Variants in EDIL3 observed in about 807,000 individuals in gnomAD.
The protein encoded by EDIL3 is EGF-like repeat and discoidin I-like domain-containing protein 3.
Under a neutral mutation model 67.4 loss-of-function variants are expected in EDIL3, and 37 were observed. The observed-to-expected ratio is 0.55, with a 90% CI of 0.42 to 0.72. The LOEUF (loss-of-function observed/expected upper bound fraction) is 0.72. Among genes scored for constraint, EDIL3 ranks in the 30% least tolerant of loss-of-function variants. The pLI is 0.00. For missense variants in EDIL3, 527 were observed against 586.3 expected (o/e 0.90, Z 1.04); for synonymous variants, 195 against 196.3 (o/e 0.99, Z 0.05).
chr5:84,330,416 T>C (rs1002394551), intron 1 of EDIL3, among the ~76,000 whole-genome samples: 5 of 152,164 alleles, frequency 3.3e-5, no homozygotes, highest in African/African-American at 1.2e-4. Context: ...CTCAACATCT[T>C]TTTAAAAAAT....
intron 9 of EDIL3, among the ~76,000 whole-genome samples, chr5:83,982,124 C>A (rs1427629383): frequency 6.6e-6 from 1 of 151,996 alleles, no homozygotes; most frequent in African/African-American, 2.4e-5. Flanking sequence ...TTAAAGATTT[C>A]TTAAAACTAT....
chr5:84,264,609 C>T (rs1229165846), intron 1 of EDIL3, among the ~76,000 whole-genome samples: 1 of 152,110 alleles, frequency 6.6e-6, no homozygotes, highest in African/African-American at 2.4e-5. Context: ...GAAAAATACA[C>T]AATATAGCTT....
intron 3 of EDIL3, among the ~76,000 whole-genome samples, chr5:84,200,903 G>A (rs140821184): frequency 1.9e-4 from 29 of 152,102 alleles, no homozygotes; most frequent in South Asian, 8.3e-4. Context: ...ATCCTCACAG[G>A]AAAGCCTAAG....
At chr5:84,367,973 G>A (rs1300451071) in intron 1 of EDIL3, among the ~76,000 whole-genome samples, 1 of 152,148 alleles carries the variant, frequency 6.6e-6, no homozygotes, top group Non-Finnish European at 1.5e-5. Context: ...ACAACTATAA[G>A]GTGAATGGAT....
At chr5:84,058,363 AAC>A (rs3831891) in intron 9 of EDIL3, among the ~76,000 whole-genome samples, 56,571 of 151,254 alleles carry the variant, frequency 0.37, 11,920 homozygotes, top group African/African-American at 0.58. Flanking sequence ...CAGACACACA[AAC>A]ACACACACAC....
At chr5:83,947,204 T>A (rs1561382006) in intron 10 of EDIL3, among the ~76,000 whole-genome samples, 1 of 151,894 alleles carries the variant, frequency 6.6e-6, no homozygotes, top group Non-Finnish European at 1.5e-5. Flanking sequence ...TGAGTGAGAC[T>A]TTCTAAAGTT....
At chr5:84,015,726 T>G (rs1420912702) in intron 9 of EDIL3, among the ~76,000 whole-genome samples, 1 of 152,152 alleles carries the variant, frequency 6.6e-6, no homozygotes, top group East Asian at 1.9e-4. Flanking sequence ...AAATAATGGT[T>G]TTCATCAGCT....
chr5:84,196,859 A>G (rs1037645748), intron 3 of EDIL3: 3 of 152,034 alleles, frequency 2.0e-5, no homozygotes, highest in Non-Finnish European at 2.9e-5. Context: ...AAACAATACC[A>G]TGCTTTTTTT....
rs568900185 is a variant in EDIL3 at position 83,941,519 on chromosome 5, A to C, written c.*1900T>G. 6.6e-6 allele frequency: 1 copy of C among 152,134 alleles called. No homozygotes were observed. The highest frequency in any genetic ancestry group is 2.4e-5 in the African/African-American group (1 of 41,566). 9.4% of individuals were successfully genotyped at this position (152,134 alleles called of 1,614,324 possible). A position where few individuals can be genotyped will look rare whatever the true frequency, so the allele number is the denominator to read the frequency against. On this transcript the variant is annotated 3_prime_UTR_variant, in exon 11 of 11. Coordinates refer to ENST00000296591, the MANE Select transcript of EDIL3 (RefSeq NM_005711.5). Reference sequence around the variant, plus strand: ...GGCTAGATATCTGATGGGACAGTAAACCTTGAAAGAAACTGGCTAAAGAGT... The same window carrying C: ...GGCTAGATATCTGATGGGACAGTAACCCTTGAAAGAAACTGGCTAAAGAGT...
chr5:84,120,902 T>G (rs1747764303), intron 5 of EDIL3, among the ~76,000 whole-genome samples: 1 of 151,928 alleles, frequency 6.6e-6, no homozygotes, highest in Non-Finnish European at 1.5e-5. Flanking sequence ...ATGATAATAC[T>G]AAACACCTGT....
At chr5:84,087,483 G>T (rs1021110423) in intron 6 of EDIL3, among the ~76,000 whole-genome samples, 2 of 152,138 alleles carry the variant, frequency 1.3e-5, no homozygotes, top group South Asian at 4.1e-4. Context: ...AGGTAATGTG[G>T]TTTATCCTCA....
At chr5:84,229,714 C>A (rs1031638519) in intron 3 of EDIL3, 141 bp downstream of exon 3, 2 of 830,940 alleles carry the variant, frequency 2.4e-6, no homozygotes, top group Non-Finnish European at 1.9e-6. Flanking sequence ...GTGAGCTCAG[C>A]AAATATAAAA....
At chr5:84,200,935 C>T (rs1177469628) in intron 3 of EDIL3, among the ~76,000 whole-genome samples, 2 of 151,960 alleles carry the variant, frequency 1.3e-5, no homozygotes, top group Non-Finnish European at 2.9e-5. Flanking sequence ...TCAAGTAATT[C>T]CATACAGATA....
intron 9 of EDIL3, among the ~76,000 whole-genome samples, chr5:83,987,303 A>G (rs1235512868): frequency 6.6e-6 from 1 of 152,154 alleles, no homozygotes. Context: ...TTACCAATAC[A>G]TAATTTGTGA....
intron 1 of EDIL3, among the ~76,000 whole-genome samples, chr5:84,286,972 C>G (rs1404340427): frequency 6.6e-6 from 1 of 152,148 alleles, no homozygotes; most frequent in East Asian, 1.9e-4. Flanking sequence ...GTAAAAACCT[C>G]TTTCATGGTT....
At chr5:84,382,582 G>A (rs1243343261) in intron 1 of EDIL3, among the ~76,000 whole-genome samples, 1 of 152,200 alleles carries the variant, frequency 6.6e-6, no homozygotes, top group Non-Finnish European at 1.5e-5. Context: ...AGGCGGGGAA[G>A]AGAAGGAGGA....
At chr5:84,103,565 C>T (rs1331335533) in intron 6 of EDIL3, among the ~76,000 whole-genome samples, 2 of 151,794 alleles carry the variant, frequency 1.3e-5, no homozygotes, top group Non-Finnish European at 2.9e-5. Flanking sequence ...AGGACATAAA[C>T]AGACAATTTT....
chr5:83,943,143 C>G lies in EDIL3; in HGVS notation c.*276G>C, dbSNP rs1744254168. On this transcript the variant is annotated 3_prime_UTR_variant, in exon 11 of 11. Coordinates refer to ENST00000296591, the MANE Select transcript of EDIL3 (RefSeq NM_005711.5). ...CTTTCTTTCCCTAATATATTTCTAC[C>G]AATGCGAATAATTCAGGAAACAATG... The G allele has an allele frequency of 2.8e-6, 1 of 351,490 alleles. No homozygotes were observed. Among genetic ancestry groups the G allele is most frequent in the African/African-American group, 2.2e-5 (1 of 46,236 alleles). 21.8% of individuals were successfully genotyped at this position (351,490 alleles called of 1,614,324 possible).
At chr5:84,256,465 T>G (rs1321531093) in intron 1 of EDIL3, among the ~76,000 whole-genome samples, 1 of 152,142 alleles carries the variant, frequency 6.6e-6, no homozygotes, top group Non-Finnish European at 1.5e-5. Flanking sequence ...GGAGAGAGCG[T>G]ATGCTTAATA....
Sources: allele counts gnomAD v4.1 joint callset (sites outside exome capture counted in the v4.1 genomes callset), GRCh38; gene constraint gnomAD v4.1.1; transcripts MANE v1.5; gene names NCBI Gene and HGNC (gene_info 2026-07-23, HGNC 2026-07-21).